The following HNF4G variants were observed in gnomAD, a reference collection of about 807,000 sequenced individuals.
HNF4G encodes the protein hepatocyte nuclear factor 4 gamma, also known as hepatocyte nuclear factor 4-gamma.
HNF4G carries 21 observed loss-of-function variants against 50.9 expected under a neutral mutation model. The observed-to-expected ratio is 0.41, with a 90% CI of 0.29 to 0.59. HNF4G has a LOEUF of 0.59. HNF4G is among the 20% of genes least tolerant of loss of function. HNF4G has a pLI of 0.26. For missense variants in HNF4G, 527 were observed against 559.4 expected, an observed-to-expected ratio of 0.94 and a Z score of 0.58; for synonymous variants, 198 against 185.6, an observed-to-expected ratio of 1.07 and a Z score of -0.54.
At chr8:75,529,378 C>T (rs1353000392) in intron 2 of HNF4G, among the ~76,000 whole-genome samples, 1 of 152,096 alleles carries the variant, frequency 6.6e-6, no homozygotes, top group Non-Finnish European at 1.5e-5. Flanking sequence ...CAGTCACCTC[C>T]CTCGACACAT....
rs776197638 is a variant in HNF4G, at chr8:75,553,025, GC to G, written c.490-16del. 4 of 1,579,324 alleles carry G rather than the reference GC, an allele frequency of 2.5e-6. No homozygotes were observed. The highest frequency in any genetic ancestry group is 3.5e-6 in the Non-Finnish European group (4 of 1,158,300). On this transcript the variant is annotated splice_polypyrimidine_tract_variant and intron_variant, in intron 4 of 9. Coordinates refer to ENST00000396423, the MANE Select transcript of HNF4G (RefSeq NM_004133.5). Reference sequence around the variant, plus strand: ...CTATTATTTTAAATGATAATATAATGCTTTTCTTAATACTAGATCTCAGTCT... The same window carrying G: ...CTATTATTTTAAATGATAATATAATGTTTTCTTAATACTAGATCTCAGTCT...
chr8:75,418,571 A>G (rs182736601), intron 1 of HNF4G, among the ~76,000 whole-genome samples: 1 of 152,110 alleles, frequency 6.6e-6, no homozygotes, highest in Admixed American at 6.5e-5. Flanking sequence ...CTTTCCTCAT[A>G]TTTGGCCTTA....
chr8:75,532,619 C>T (rs1383790724), intron 2 of HNF4G, among the ~76,000 whole-genome samples: 2 of 152,004 alleles, frequency 1.3e-5, no homozygotes, highest in Non-Finnish European at 2.9e-5. Flanking sequence ...GGAAAGTCAG[C>T]ATTGGTAACA....
At chr8:75,549,623 T>A (rs1806888265) in intron 3 of HNF4G, among the ~76,000 whole-genome samples, 1 of 151,588 alleles carries the variant, frequency 6.6e-6, no homozygotes, top group South Asian at 2.1e-4. Flanking sequence ...ATTATTATTA[T>A]TATACTTTAA....
chr8:75,515,416 A>T (rs1428416940), intron 2 of HNF4G, among the ~76,000 whole-genome samples: 1 of 152,176 alleles, frequency 6.6e-6, no homozygotes, highest in Admixed American at 6.5e-5. Context: ...AGACACACAG[A>T]CACATACATA....
Position 75,563,854 on chromosome 8 carries a change from G to T in HNF4G, c.1247-121G>T. ...AATGCATTCTACAAATCACTATTCTGTGTAGGATATTTTAAAAACATTTCC... is the reference window on the plus strand; with the variant it reads ...AATGCATTCTACAAATCACTATTCTTTGTAGGATATTTTAAAAACATTTCC... On this transcript the variant is annotated intron_variant, in intron 9 of 9. Transcript: ENST00000396423. 5.5e-6 allele frequency: 6 copies of T among 1,082,758 alleles called. No homozygotes were observed. In the South Asian group the frequency reaches 6.3e-5, roughly 11 times the overall value. The allele number at this position is 1,082,758 out of a possible 1,614,324, so 67.1% of individuals were successfully genotyped here.
intron 1 of HNF4G, among the ~76,000 whole-genome samples, chr8:75,541,378 C>G (rs908833345): frequency 3.3e-5 from 5 of 152,072 alleles, no homozygotes; most frequent in Non-Finnish European, 7.4e-5. Flanking sequence ...TCTATATAGT[C>G]TCTCAGAATA....
chr8:75,543,007 GA>G (rs1455348549), intron 1 of HNF4G, among the ~76,000 whole-genome samples: 1 of 152,116 alleles, frequency 6.6e-6, no homozygotes, highest in Non-Finnish European at 1.5e-5. Context: ...AGGGGTTCAA[GA>G]ACAGCCTGGC....
chr8:75,503,755 A>G (rs1812992721), intron 2 of HNF4G, among the ~76,000 whole-genome samples: 1 of 152,176 alleles, frequency 6.6e-6, no homozygotes, highest in Non-Finnish European at 1.5e-5. Context: ...AGAGTTCTGA[A>G]AACTGCTAAT....
intron 2 of HNF4G, chr8:75,495,314 C>T (rs1385473658): frequency 1.3e-5 from 2 of 151,920 alleles, no homozygotes; most frequent in South Asian, 2.1e-4. Context: ...ATGGCATTCA[C>T]TATTATCACA....
intron 1 of HNF4G, among the ~76,000 whole-genome samples, chr8:75,466,963 G>C (rs1024099885): frequency 2.1e-4 from 32 of 152,228 alleles, no homozygotes; most frequent in Middle Eastern, 3.4e-3. Context: ...GGGACTACAG[G>C]TGTGAGCCAC....
chr8:75,493,641 T>A (rs889589648), intron 2 of HNF4G, among the ~76,000 whole-genome samples: 5 of 152,194 alleles, frequency 3.3e-5, no homozygotes, highest in African/African-American at 9.6e-5. Context: ...AGTATATTTT[T>A]AAATTTTCTG....
intron 1 of HNF4G, among the ~76,000 whole-genome samples, chr8:75,448,520 AAAAG>A (rs938324385): frequency 2.0e-5 from 3 of 150,984 alleles, no homozygotes; most frequent in Admixed American, 2.0e-4. Context: ...CTTAAAAAAA[AAAAG>A]AAAACCTAAT....
intron 2 of HNF4G, among the ~76,000 whole-genome samples, chr8:75,491,623 A>G (rs1410312002): frequency 6.6e-6 from 1 of 152,046 alleles, no homozygotes; most frequent in Admixed American, 6.6e-5. Context: ...TTACAGGCAC[A>G]TGCCACCACA....
intron 1 of HNF4G, among the ~76,000 whole-genome samples, chr8:75,455,470 A>G (rs1486836516): frequency 6.6e-6 from 1 of 152,132 alleles, no homozygotes; most frequent in Non-Finnish European, 1.5e-5. Flanking sequence ...AGTAATGTTT[A>G]GGTACTGTGC....
intron 1 of HNF4G, among the ~76,000 whole-genome samples, chr8:75,488,696 G>A (rs917764530): frequency 1.3e-5 from 2 of 152,108 alleles, no homozygotes; most frequent in African/African-American, 4.8e-5. Flanking sequence ...AGAGAACTGC[G>A]ATTTACACAG....
At chr8:75,489,229 G>A (rs1326396799) in intron 1 of HNF4G, among the ~76,000 whole-genome samples, 2 of 152,150 alleles carry the variant, frequency 1.3e-5, no homozygotes, top group Non-Finnish European at 2.9e-5. Context: ...GTGCTGTGAA[G>A]GAAACTTATT....
chr8:75,426,700 T>A, intron 1 of HNF4G, among the ~76,000 whole-genome samples: 1 of 151,004 alleles, frequency 6.6e-6, no homozygotes, highest in South Asian at 2.1e-4. Context: ...AAAGAGAAGG[T>A]GGGAAGAGGT....
rs190541351 is a variant in HNF4G at position 75,558,797 on chromosome 8, T to G, written c.887-4T>G. 1 of 1,611,336 alleles carries G rather than the reference T, an allele frequency of 6.2e-7. No homozygotes were observed. The highest frequency in any genetic ancestry group is 8.5e-7 in the Non-Finnish European group (1 of 1,177,518). ...GTACACTGCCTCTCTTATTCCTTTG[T>G]TAGATGCAAAAGGGCTAAGCGATCC... On this transcript the variant is annotated splice_polypyrimidine_tract_variant and splice_region_variant and intron_variant, in intron 7 of 9. Coordinates refer to ENST00000396423, the MANE Select transcript of HNF4G (RefSeq NM_004133.5).
Sources: allele counts gnomAD v4.1 joint callset (sites outside exome capture counted in the v4.1 genomes callset), GRCh38; gene constraint gnomAD v4.1.1; transcripts MANE v1.5; gene names NCBI Gene and HGNC (gene_info 2026-07-23, HGNC 2026-07-21).